The following PLK5 variants were observed in gnomAD, a reference collection of about 807,000 sequenced individuals.
PLK5 encodes the protein polo like kinase 5 (inactive).
In PLK5, 28 loss-of-function variants were observed where a neutral mutation model predicts 33.7. That is an observed-to-expected ratio of 0.83 (90% CI 0.62 to 1.14). PLK5 has a LOEUF of 1.14. Among genes scored for constraint, PLK5 ranks in the 50% most tolerant of loss-of-function variants. The pLI, the probability that PLK5 is intolerant of heterozygous loss-of-function variation, is 0.00. For synonymous variants in PLK5, 225 were observed against 202.2 expected (o/e 1.11, Z -0.96); for missense variants, 492 against 461.5 (o/e 1.07, Z -0.61).
At chr19:1,531,693 C>A in intron 11 of PLK5, 45 bp from the exon 12 acceptor site, 1 of 1,527,964 alleles carries the variant, frequency 6.5e-7, no homozygotes, top group South Asian at 1.2e-5. Flanking sequence ...CTACTATATG[C>A]CTGACCCCTG....
chr19:1,529,724 G>A lies in PLK5; in HGVS notation c.491-23G>A, dbSNP rs928691376. On this transcript the variant is annotated intron_variant, in intron 10 of 13. Transcript: ENST00000454744. ...GTGGTGGGAACCCAGACCTGTCTGC[G>A]GCACAAAGACCTGTCTTCCCAGGGC... The A allele has an allele frequency of 6.3e-5, 96 of 1,535,816 alleles. No homozygotes were observed. In the African/African-American group the frequency reaches 8.6e-4, roughly 14 times the overall value.
intron 12 of PLK5, chr19:1,533,573 G>T (rs1913995198): frequency 4.2e-6 from 2 of 479,736 alleles, no homozygotes; most frequent in Non-Finnish European, 7.4e-6. Flanking sequence ...GTGAAGAGAG[G>T]ACAGAGAGCC....
intron 9 of PLK5, 25 bp from the exon 10 acceptor site, chr19:1,529,381 C>T (rs1054495142): frequency 3.3e-6 from 5 of 1,530,810 alleles, no homozygotes; most frequent in African/African-American, 2.7e-5. Context: ...CGGGGCCACC[C>T]CCACCCCTGC....
chr19:1,531,983 CAGG>C, intron 12 of PLK5, 100 bp downstream of exon 12: 1 of 1,270,644 alleles, frequency 7.9e-7, no homozygotes, highest in Non-Finnish European at 1.0e-6. Context: ...TGCACACCTA[CAGG>C]TGCTCCCTGC....
Position 1,535,314 on chromosome 19 carries a change from T to G in PLK5, c.*64T>G. On this transcript the variant is annotated 3_prime_UTR_variant, in exon 14 of 14. Transcript: ENST00000454744. ...CCAGGGACCCAGGCTCCATTTCCAT[T>G]CCTGTGGCTCCCCCAGAGGGGCTGT... The G allele has an allele frequency of 6.8e-7, 1 of 1,464,628 alleles. No individual in the cohort carries two copies. Among genetic ancestry groups the G allele is most frequent in the Non-Finnish European group, 9.1e-7 (1 of 1,103,290 alleles). The allele number at this position is 1,464,628 out of a possible 1,614,324, so 90.7% of individuals were successfully genotyped here. A position where few individuals can be genotyped will look rare whatever the true frequency, so the allele number is the denominator to read the frequency against.
intron 6 of PLK5, among the ~76,000 whole-genome samples, chr19:1,527,284 G>A (rs1008379308): frequency 2.6e-5 from 4 of 152,082 alleles, no homozygotes; most frequent in African/African-American, 9.7e-5. Flanking sequence ...GCGCAGGGCA[G>A]GTGTGAGCAG....
intron 13 of PLK5, 88 bp downstream of exon 13, chr19:1,534,129 A>T: frequency 2.4e-5 from 19 of 805,532 alleles, no homozygotes; most frequent in Non-Finnish European, 3.3e-5. Context: ...GCTTTGGGGG[A>T]GCCTTAGGAA....
At chr19:1,527,589 G>A (rs1913777169) in intron 6 of PLK5, among the ~76,000 whole-genome samples, 4 of 148,580 alleles carry the variant, frequency 2.7e-5, no homozygotes, top group Admixed American at 1.4e-4. Flanking sequence ...GTGACAGAAT[G>A]AGACCCTGTC....
chr19:1,535,004 A>T (rs1914052134), intron 13 of PLK5, 61 bp from the exon 14 acceptor site: 1 of 1,396,746 alleles, frequency 7.2e-7, no homozygotes, highest in African/African-American at 1.5e-5. Flanking sequence ...CTGGAGCGCC[A>T]CGGCTGGAGG....
chr19:1,526,768 G>C lies in PLK5; in HGVS notation c.-118G>C, dbSNP rs890807060. ...GAGACCTGGGACTGGCGGCCAAGGT[G>C]GGGCCAGGGGGCCGCTGCCACAGGT... On this transcript the variant is annotated 5_prime_UTR_variant, in exon 5 of 14. Transcript: ENST00000454744. 1.7e-6 allele frequency: 1 copy of C among 581,216 alleles called. No individual in the cohort carries two copies. Among genetic ancestry groups the C allele is most frequent in the African/African-American group, 1.9e-5 (1 of 52,564 alleles). The allele number at this position is 581,216 out of a possible 1,614,324, so 36.0% of individuals were successfully genotyped here. A position where few individuals can be genotyped will look rare whatever the true frequency, so the allele number is the denominator to read the frequency against.
Position 1,524,101 on chromosome 19 carries a change from C to G in PLK5, c.-689C>G, listed in dbSNP as rs1190415999. The G allele has an allele frequency of 6.6e-6, 1 of 151,146 alleles. No homozygotes were observed. Among genetic ancestry groups the G allele is most frequent in the African/African-American group, 2.4e-5 (1 of 41,326 alleles). 9.4% of individuals were successfully genotyped at this position (151,146 alleles called of 1,614,324 possible). A position where few individuals can be genotyped will look rare whatever the true frequency, so the allele number is the denominator to read the frequency against. On this transcript the variant is annotated 5_prime_UTR_variant, in exon 1 of 14. Transcript: ENST00000454744. The surrounding 1 kb of genome is among the most constrained non-coding windows in gnomAD (Gnocchi z 4.5). ...CAGAGCGGCCCCGGAGCGGCCGCAGCGCGGTGGTCTCGGCCCGGCTGCGCC... is the reference window on the plus strand; with the variant it reads ...CAGAGCGGCCCCGGAGCGGCCGCAGGGCGGTGGTCTCGGCCCGGCTGCGCC...
At chr19:1,531,497 T>C (rs771561457) in intron 11 of PLK5, among the ~76,000 whole-genome samples, 14 of 152,174 alleles carry the variant, frequency 9.2e-5, no homozygotes, top group Non-Finnish European at 1.0e-4. Context: ...TGAGAATTGC[T>C]CATTCCCAGG....
chr19:1,528,437 C>T lies in PLK5; in HGVS notation c.328+9C>T. The T allele has an allele frequency of 6.5e-7, 1 of 1,527,976 alleles. No homozygotes were observed. Among genetic ancestry groups the T allele is most frequent in the Non-Finnish European group, 8.8e-7 (1 of 1,142,434 alleles). 94.7% of individuals were successfully genotyped at this position (1,527,976 alleles called of 1,614,324 possible). A position where few individuals can be genotyped will look rare whatever the true frequency, so the allele number is the denominator to read the frequency against. On this transcript the variant is annotated intron_variant, in intron 8 of 13. Coordinates refer to ENST00000454744, the MANE Select transcript of PLK5 (RefSeq NM_001243079.2). ...CCAGTGCCGGCCACCCTGTAAGTAC[C>T]ACCCCCGCCCACACCTGCCCAACAC... is the stretch of plus-strand genomic sequence containing the variant.
intron 11 of PLK5, among the ~76,000 whole-genome samples, chr19:1,530,727 C>T (rs1458147208): frequency 6.8e-6 from 1 of 147,482 alleles, no homozygotes; most frequent in African/African-American, 2.5e-5. Context: ...TCACGCCATT[C>T]TCCTGCCTCA....
At chr19:1,528,855 G>T (rs751205900) in intron 8 of PLK5, 43 bp from the exon 9 acceptor site, 28 of 1,418,340 alleles carry the variant, frequency 2.0e-5, no homozygotes, top group Non-Finnish European at 2.6e-5. Flanking sequence ...CCCCAGCTTG[G>T]GGCCCAGGCT....
chr19:1,533,078 T>C (rs1044696890), intron 12 of PLK5, among the ~76,000 whole-genome samples: 1 of 152,056 alleles, frequency 6.6e-6, no homozygotes, highest in African/African-American at 2.4e-5. Context: ...AAGGCTCCAG[T>C]GAGCCATGAT....
chr19:1,525,889 G>T (rs951135095), intron 3 of PLK5, among the ~76,000 whole-genome samples, 178 bp downstream of exon 3: 4 of 152,134 alleles, frequency 2.6e-5, no homozygotes, highest in African/African-American at 9.7e-5. Flanking sequence ...TACTCACCTG[G>T]GCACACCCAG....
rs548958577 is a variant in PLK5 at position 1,524,103 on chromosome 19, C to T, written c.-687C>T. ...GAGCGGCCCCGGAGCGGCCGCAGCG[C>T]GGTGGTCTCGGCCCGGCTGCGCCAG... On this transcript the variant is annotated 5_prime_UTR_variant, in exon 1 of 14. Coordinates refer to ENST00000454744, the MANE Select transcript of PLK5 (RefSeq NM_001243079.2). This position sits in a 1 kb window ranked among gnomAD's most constrained non-coding sequence, Gnocchi z 4.5. 1.3e-5 allele frequency: 2 copies of T among 151,240 alleles called. No homozygotes were observed. Among genetic ancestry groups the T allele is most frequent in the African/African-American group, 4.8e-5 (2 of 41,452 alleles). The allele number at this position is 151,240 out of a possible 1,614,324, so 9.4% of individuals were successfully genotyped here.
At chr19:1,529,011 G>A (rs1203099747) in intron 9 of PLK5, 37 bp downstream of exon 9, 1 of 1,454,900 alleles carries the variant, frequency 6.9e-7, no homozygotes, top group Admixed American at 2.5e-5. Context: ...GGAGACACAG[G>A]TGGAGGGCAT....
Sources: allele counts gnomAD v4.1 joint callset (sites outside exome capture counted in the v4.1 genomes callset), GRCh38; gene constraint gnomAD v4.1.1; non-coding constraint Gnocchi (gnomAD v3.1); transcripts MANE v1.5; gene names NCBI Gene and HGNC (gene_info 2026-07-23, HGNC 2026-07-21).